ASTN2: variants seen among roughly 807,000 people sequenced by gnomAD.
The protein encoded by ASTN2 is astrotactin 2, also known as astrotactin-2.
A neutral mutation model predicts 139.8 loss-of-function variants in ASTN2; 54 were observed. That is an observed-to-expected ratio of 0.39 (90% CI 0.31 to 0.48). The LOEUF is 0.48. Among genes scored for constraint, ASTN2 ranks in the 20% least tolerant of loss-of-function variants. ASTN2 has a pLI of 0.95. For synonymous variants in ASTN2, 756 were observed against 719.5 expected, an observed-to-expected ratio of 1.05 and a Z score of -0.81; for missense variants, 1,565 against 1,725.1, an observed-to-expected ratio of 0.91 and a Z score of 1.64.
chr9:116,684,713 CCT>C (rs1437036459), intron 16 of ASTN2, among the ~76,000 whole-genome samples: 15 of 152,296 alleles, frequency 9.8e-5, no homozygotes, highest in Admixed American at 8.5e-4. Flanking sequence ...CACTACGTCC[CCT>C]GTCAGCAAGA....
chr9:116,813,210 G>T (rs527435961), intron 12 of ASTN2, among the ~76,000 whole-genome samples: 5 of 152,156 alleles, frequency 3.3e-5, no homozygotes, highest in African/African-American at 1.2e-4. Flanking sequence ...GATACATACC[G>T]GGCATTTTAG....
intron 10 of ASTN2, among the ~76,000 whole-genome samples, chr9:116,868,501 G>A (rs1833074366): frequency 6.6e-6 from 1 of 152,200 alleles, no homozygotes; most frequent in Non-Finnish European, 1.5e-5. Context: ...AGAATGGGCA[G>A]AGCCTGAGAG....
chr9:116,737,245 C>G (rs181016873), intron 13 of ASTN2, among the ~76,000 whole-genome samples: 1 of 152,282 alleles, frequency 6.6e-6, no homozygotes, highest in Non-Finnish European at 1.5e-5. Flanking sequence ...AGAGGGCGCC[C>G]GGGGCCTTTG....
At chr9:116,912,261 C>A (rs1234620897) in intron 10 of ASTN2, among the ~76,000 whole-genome samples, 1 of 152,234 alleles carries the variant, frequency 6.6e-6, no homozygotes. Context: ...TGTGGAGAAA[C>A]CACTTTCTGT....
At chr9:117,318,132 T>C (rs1055451240) in intron 1 of ASTN2, among the ~76,000 whole-genome samples, 2 of 152,202 alleles carry the variant, frequency 1.3e-5, no homozygotes, top group African/African-American at 2.4e-5. Flanking sequence ...AGCACAGAGA[T>C]AAAGGTGTGC....
intron 5 of ASTN2, among the ~76,000 whole-genome samples, chr9:117,060,391 AAAGAAAGAAAGAAAGAAAGAAGGAAAGG>A (rs1564406346): frequency 6.4e-5 from 5 of 78,598 alleles, no homozygotes; most frequent in African/African-American, 2.6e-4. Context: ...AGAAAGAAAG[AAAGAAAGAAAGAAAGAAAGAAGGAAAGG>A]AAGGAAGGAA....
At chr9:116,892,408 A>G (rs142024172) in intron 10 of ASTN2, among the ~76,000 whole-genome samples, 1 of 151,918 alleles carries the variant, frequency 6.6e-6, no homozygotes, top group East Asian at 1.9e-4. Flanking sequence ...TGCCAGTCTT[A>G]TATACCAGCA....
chr9:117,244,478 G>A (rs901308508), intron 2 of ASTN2, among the ~76,000 whole-genome samples: 3 of 151,522 alleles, frequency 2.0e-5, no homozygotes, highest in African/African-American at 7.3e-5. Context: ...AATTATCTTA[G>A]ACCATGTGAG....
intron 17 of ASTN2, among the ~76,000 whole-genome samples, chr9:116,625,326 C>T (rs1193283230): frequency 1.3e-5 from 2 of 152,054 alleles, no homozygotes; most frequent in South Asian, 2.1e-4. Flanking sequence ...CACAGTTACT[C>T]GGGAGGCTGA....
At position 116,615,274 on chromosome 9, in the gene ASTN2, G is replaced by A. The variant is rs550225250; in HGVS notation, c.3355+3050C>T. On this transcript the variant is annotated intron_variant, in intron 19 of 22. Coordinates refer to ENST00000313400, the MANE Select transcript of ASTN2 (RefSeq NM_001365068.1). ...AAATAGGAAGACTTTTACACTGTTG[G>A]TGGGAACGTAAACTAGTTGAACCAT... Among the ~76,000 whole-genome samples the A allele has an allele frequency of 3.9e-5, 6 of 152,318 alleles. No homozygotes were observed. In the South Asian group the frequency reaches 1.2e-3, roughly 32 times the overall value.
At chr9:116,605,214 G>C (rs1189631648) in intron 19 of ASTN2, among the ~76,000 whole-genome samples, 1 of 152,092 alleles carries the variant, frequency 6.6e-6, no homozygotes, top group African/African-American at 2.4e-5. Flanking sequence ...CTGATCGGGG[G>C]GGAGAGGCCC....
chr9:116,512,182 A>C (rs1850419637), intron 19 of ASTN2, among the ~76,000 whole-genome samples: 3 of 152,222 alleles, frequency 2.0e-5, no homozygotes, highest in East Asian at 1.9e-4. Flanking sequence ...AATGTGTCCC[A>C]GAGATTCTGG....
chr9:117,230,346 C>G (rs1035699529), intron 2 of ASTN2, among the ~76,000 whole-genome samples: 1 of 152,126 alleles, frequency 6.6e-6, no homozygotes, highest in Non-Finnish European at 1.5e-5. Context: ...CTTCTGGTGG[C>G]TCCTGGAATT....
At chr9:116,471,318 C>T (rs577120148) in intron 20 of ASTN2, among the ~76,000 whole-genome samples, 12 of 152,298 alleles carry the variant, frequency 7.9e-5, no homozygotes, top group African/African-American at 2.2e-4. Flanking sequence ...TCTCCACAAG[C>T]GAGACAGCTT....
intron 11 of ASTN2, among the ~76,000 whole-genome samples, chr9:116,835,431 T>C (rs575417487): frequency 6.6e-6 from 1 of 152,308 alleles, no homozygotes; most frequent in African/African-American, 2.4e-5. Context: ...TCTATTAACA[T>C]AGCTACATCT....
intron 22 of ASTN2, among the ~76,000 whole-genome samples, chr9:116,440,008 T>C (rs1017774450): frequency 1.3e-5 from 2 of 152,228 alleles, no homozygotes; most frequent in African/African-American, 2.4e-5. Flanking sequence ...AGACATAAAA[T>C]GCAGCCACCA....
intron 2 of ASTN2, among the ~76,000 whole-genome samples, chr9:117,228,546 G>T (rs1832787531): frequency 6.6e-6 from 1 of 152,072 alleles, no homozygotes; most frequent in Non-Finnish European, 1.5e-5. Context: ...TCAAGCATAA[G>T]ATGCCCATCA....
At chr9:116,781,906 C>A (rs1830229113) in intron 13 of ASTN2, among the ~76,000 whole-genome samples, 1 of 151,926 alleles carries the variant, frequency 6.6e-6, no homozygotes, top group East Asian at 2.0e-4. Flanking sequence ...TCACAACAAG[C>A]AGAGGAACTG....
chr9:116,808,137 G>A (rs1057381141), intron 12 of ASTN2, among the ~76,000 whole-genome samples: 11 of 151,778 alleles, frequency 7.2e-5, no homozygotes, highest in African/African-American at 2.7e-4. Flanking sequence ...AACAAAACAA[G>A]ACAAAAAAAC....
Sources: gnomAD v4.1 joint callset for allele counts (sites outside exome capture counted in the v4.1 genomes callset) on GRCh38, gnomAD v4.1.1 for gene constraint, MANE v1.5 for transcripts, NCBI Gene and HGNC (gene_info 2026-07-23, HGNC 2026-07-21) for gene names.